Variants in ENDOD1 observed in about 807,000 individuals in gnomAD.
ENDOD1 encodes the protein endonuclease domain containing 1.
A neutral mutation model predicts 6.5 loss-of-function variants in ENDOD1; 9 were observed. That is an observed-to-expected ratio of 1.39 (90% CI 0.84 to 2.43). The LOEUF (loss-of-function observed/expected upper bound fraction) is 2.43. ENDOD1 is among the 30% of genes most tolerant of loss of function. The pLI is 0.00. For synonymous variants in ENDOD1, 255 were observed against 255.2 expected (o/e 1.00, Z 0.01); for missense variants, 648 against 635.5 (o/e 1.02, Z -0.21).
intron 1 of ENDOD1, among the ~76,000 whole-genome samples, chr11:95,111,043 C>T (rs995502381): frequency 5.9e-5 from 9 of 152,114 alleles, no homozygotes; most frequent in African/African-American, 9.7e-5. Context: ...GTGGAGGAGG[C>T]CAGCGAGCAG....
At chr11:95,094,347 A>C (rs1565442992) in intron 1 of ENDOD1, among the ~76,000 whole-genome samples, 1 of 151,920 alleles carries the variant, frequency 6.6e-6, no homozygotes. Flanking sequence ...CACTGTGGAG[A>C]TTCTTTGATC....
At chr11:95,107,063 AG>A (rs1859096049) in intron 1 of ENDOD1, among the ~76,000 whole-genome samples, 1 of 152,054 alleles carries the variant, frequency 6.6e-6, no homozygotes, top group Admixed American at 6.5e-5. Context: ...ATTCCTTCAG[AG>A]AGTGATCAAT....
chr11:95,119,422 AC>A (rs1384440201), intron 1 of ENDOD1, among the ~76,000 whole-genome samples: 7 of 152,268 alleles, frequency 4.6e-5, no homozygotes, highest in African/African-American at 1.7e-4. Context: ...TCATAGTGGT[AC>A]CACTTTGATA....
At chr11:95,100,602 C>T (rs1555110728) in intron 1 of ENDOD1, among the ~76,000 whole-genome samples, 1 of 152,128 alleles carries the variant, frequency 6.6e-6, no homozygotes, top group Non-Finnish European at 1.5e-5. Context: ...GATCCTCCCA[C>T]CTCAGCATCC....
chr11:95,092,766 C>T (rs1239260636), intron 1 of ENDOD1, among the ~76,000 whole-genome samples: 1 of 152,204 alleles, frequency 6.6e-6, no homozygotes, highest in Non-Finnish European at 1.5e-5. Context: ...AACCTGCCCC[C>T]ACTGTTGCCT....
rs1203814956 is a variant in ENDOD1, at chr11:95,128,913, G to GA, written c.844dup (p.Ile282AsnfsTer6). Reference sequence around the variant, plus strand: ...AAACTGAGCAAGACACAGAGAAAATGAAAAAAATCCTGGAAGTGGTTAACC... The same window carrying GA: ...AAACTGAGCAAGACACAGAGAAAATGAAAAAAAATCCTGGAAGTGGTTAACC... On this transcript the variant is annotated frameshift_variant, in exon 2 of 2. Coordinates refer to ENST00000278505, the MANE Select transcript of ENDOD1 (RefSeq NM_015036.3). LOFTEE classifies it low-confidence loss of function (END_TRUNC). 1.2e-6 allele frequency: 2 copies of GA among 1,613,554 alleles called. No homozygotes were observed. Among genetic ancestry groups the GA allele is most frequent in the Non-Finnish European group, 1.7e-6 (2 of 1,179,898 alleles).
Position 95,128,956 on chromosome 11 carries a change from C to T in ENDOD1, c.880C>T (p.Arg294Ter), listed in dbSNP as rs374420355. ...GGTTAACCAAATCCAGGATGAAGAA[C>T]GAATGGTACAATCTCAAAAGAGTTC... is the stretch of plus-strand genomic sequence containing the variant. ...EVVNQIQDEE[R>*]MVQSQKSSSP... Residue 294 changes from arginine to a stop codon, truncating the protein, a stop_gained, in exon 2 of 2, where the codon CGA (arginine) becomes TGA (stop). Transcript: ENST00000278505. LOFTEE classifies it low-confidence loss of function (END_TRUNC). 43 of 1,613,920 alleles carry T rather than the reference C, an allele frequency of 2.7e-5. No individual in the cohort carries two copies. The highest frequency in any genetic ancestry group is 9.4e-5 in the African/African-American group (7 of 74,864).
chr11:95,092,907 G>A (rs1347898780), intron 1 of ENDOD1, among the ~76,000 whole-genome samples: 3 of 152,184 alleles, frequency 2.0e-5, no homozygotes, highest in African/African-American at 7.2e-5. Flanking sequence ...ACCTTTTTAT[G>A]AGGTCAGTGT....
intron 1 of ENDOD1, among the ~76,000 whole-genome samples, chr11:95,115,717 A>C (rs1036549987): frequency 6.6e-6 from 1 of 152,088 alleles, no homozygotes; most frequent in Admixed American, 6.5e-5. Flanking sequence ...GAATTCTATC[A>C]AATGCTTTTT....
chr11:95,113,069 A>G (rs926722545), intron 1 of ENDOD1, among the ~76,000 whole-genome samples: 2 of 151,290 alleles, frequency 1.3e-5, no homozygotes, highest in African/African-American at 2.4e-5. Context: ...GTAGGTGTAT[A>G]TATTTATTGG....
intron 1 of ENDOD1, among the ~76,000 whole-genome samples, chr11:95,098,658 T>C (rs1229634166): frequency 1.3e-5 from 2 of 152,054 alleles, no homozygotes; most frequent in African/African-American, 4.8e-5. Flanking sequence ...CTAGAGCTCA[T>C]TGGATGCTTA....
intron 1 of ENDOD1, among the ~76,000 whole-genome samples, chr11:95,118,958 G>A (rs1364388208): frequency 6.6e-6 from 1 of 152,124 alleles, no homozygotes; most frequent in Non-Finnish European, 1.5e-5. Flanking sequence ...AGACTCTGAT[G>A]CATTCTTCAG....
chr11:95,124,904 G>GT (rs1859296749), intron 1 of ENDOD1, among the ~76,000 whole-genome samples: 1 of 152,094 alleles, frequency 6.6e-6, no homozygotes, highest in South Asian at 2.1e-4. Context: ...TAAGTCCATT[G>GT]TAAGTCCTGG....
intron 1 of ENDOD1, among the ~76,000 whole-genome samples, chr11:95,116,087 G>T (rs1859206172): frequency 2.0e-5 from 3 of 152,098 alleles, no homozygotes; most frequent in African/African-American, 4.8e-5. Flanking sequence ...TTAAGTGCCT[G>T]GTAGAATTCA....
At chr11:95,111,888 G>C (rs1273559166) in intron 1 of ENDOD1, among the ~76,000 whole-genome samples, 3 of 152,144 alleles carry the variant, frequency 2.0e-5, no homozygotes, top group African/African-American at 7.2e-5. Flanking sequence ...CCTTTACCTT[G>C]CATGGAAGAC....
intron 1 of ENDOD1, among the ~76,000 whole-genome samples, chr11:95,111,308 C>T (rs1346199858): frequency 3.3e-5 from 5 of 152,106 alleles, no homozygotes; most frequent in Admixed American, 3.3e-4. Flanking sequence ...AAGTCCCCAA[C>T]CTTTTAGGCA....
intron 1 of ENDOD1, among the ~76,000 whole-genome samples, chr11:95,092,344 C>T (rs1858938982): frequency 6.6e-6 from 1 of 151,988 alleles, no homozygotes; most frequent in South Asian, 2.1e-4. Flanking sequence ...CTTAGGGAGG[C>T]AGAGCCATTT....
Position 95,129,744 on chromosome 11 carries a change from GGAGA to G in ENDOD1, c.*166_*169del, listed in dbSNP as rs1178296236. On this transcript the variant is annotated 3_prime_UTR_variant, in exon 2 of 2. Transcript: ENST00000278505. ...GATGGCAGAATTTAGACTTGACAGA[GGAGA>G]AATGCTCAGGGTGAGATTAGGTGTA... 5 of 695,666 alleles carry G rather than the reference GGAGA, an allele frequency of 7.2e-6. No individual in the cohort carries two copies. In the African/African-American group the frequency reaches 9.0e-5, roughly 13 times the overall value. 43.1% of individuals were successfully genotyped at this position (695,666 alleles called of 1,614,324 possible). A position where few individuals can be genotyped will look rare whatever the true frequency, so the allele number is the denominator to read the frequency against.
At chr11:95,106,108 A>T (rs1239031327) in intron 1 of ENDOD1, among the ~76,000 whole-genome samples, 1 of 152,202 alleles carries the variant, frequency 6.6e-6, no homozygotes, top group East Asian at 1.9e-4. Context: ...GGCTCAGCTG[A>T]TGTGATTCCT....
Sources: allele counts gnomAD v4.1 joint callset (sites outside exome capture counted in the v4.1 genomes callset), GRCh38; gene constraint gnomAD v4.1.1; transcripts MANE v1.5; gene names NCBI Gene and HGNC (gene_info 2026-07-23, HGNC 2026-07-21).